The following PPARGC1A variants were observed in gnomAD, a reference collection of about 807,000 sequenced individuals.
PPARGC1A encodes peroxisome proliferator-activated receptor gamma coactivator 1-alpha.
In PPARGC1A, 25 loss-of-function variants were observed where a neutral mutation model predicts 88.7. The observed-to-expected ratio is 0.28, with a 90% confidence interval of 0.21 to 0.39. The LOEUF is 0.39. Among genes scored for constraint, PPARGC1A ranks in the 10% least tolerant of loss-of-function variants. PPARGC1A has a pLI of 1.00. For missense variants in PPARGC1A, 880 were observed against 968.7 expected, an observed-to-expected ratio of 0.91 and a Z score of 1.22; for synonymous variants, 363 against 355.6, an observed-to-expected ratio of 1.02 and a Z score of -0.24.
At chr4:23,947,918 A>G in the PPARGC1A span, among the ~76,000 whole-genome samples, 1 of 152,168 alleles carries the variant, frequency 6.6e-6, no homozygotes, top group Admixed American at 6.5e-5. Flanking sequence ...GAAGCTCAGC[A>G]GGAACCGTGG....
chr4:23,852,718 C>T (rs2148670382), intron 2 of PPARGC1A, among the ~76,000 whole-genome samples: 1 of 152,232 alleles, frequency 6.6e-6, no homozygotes, highest in Admixed American at 6.5e-5. Flanking sequence ...ACCAACATAA[C>T]TCTTTTAAAG....
the PPARGC1A span, among the ~76,000 whole-genome samples, chr4:24,160,932 G>A: frequency 2.0e-5 from 3 of 152,172 alleles, no homozygotes; most frequent in African/African-American, 4.8e-5. Context: ...TTCAGAGGCA[G>A]GGTCCCAGAT....
At chr4:23,877,606 G>A (rs1488844589) in intron 2 of PPARGC1A, 1 of 148,136 alleles carries the variant, frequency 6.8e-6, no homozygotes, top group Non-Finnish European at 1.5e-5. Context: ...AAAAAAAAAT[G>A]GCCCTTACTG....
At chr4:24,086,484 C>T in the PPARGC1A span, among the ~76,000 whole-genome samples, 3 of 152,170 alleles carry the variant, frequency 2.0e-5, no homozygotes, top group Non-Finnish European at 2.9e-5. Context: ...TCCTTTTCTT[C>T]GTTTAAGAAT....
the PPARGC1A span, among the ~76,000 whole-genome samples, chr4:24,444,413 G>T: frequency 1.3e-5 from 2 of 151,788 alleles, no homozygotes; most frequent in African/African-American, 4.8e-5. Flanking sequence ...GTTCAATTAG[G>T]AGTCTACTGC....
At chr4:24,232,528 T>C in the PPARGC1A span, among the ~76,000 whole-genome samples, 1 of 152,222 alleles carries the variant, frequency 6.6e-6, no homozygotes, top group Non-Finnish European at 1.5e-5. Context: ...CTTGTATATT[T>C]CACTATATCA....
chr4:24,376,544 A>C, the PPARGC1A span, among the ~76,000 whole-genome samples: 1 of 152,226 alleles, frequency 6.6e-6, no homozygotes, highest in Non-Finnish European at 1.5e-5. Context: ...TTTTTGAGCC[A>C]TTTGGAAAAT....
chr4:23,956,370 C>G, the PPARGC1A span, among the ~76,000 whole-genome samples: 2 of 152,066 alleles, frequency 1.3e-5, no homozygotes, highest in South Asian at 2.1e-4. Flanking sequence ...CTTGGGACCA[C>G]GATCTCAGTA....
the PPARGC1A span, among the ~76,000 whole-genome samples, chr4:24,368,690 T>C: frequency 5.9e-5 from 9 of 152,272 alleles, no homozygotes; most frequent in Admixed American, 2.6e-4. Flanking sequence ...CTGTTTCCAA[T>C]GGGCTGTGCA....
chr4:23,866,851 G>A (rs1308778607), intron 2 of PPARGC1A, among the ~76,000 whole-genome samples: 5 of 151,838 alleles, frequency 3.3e-5, no homozygotes, highest in African/African-American at 4.8e-5. Flanking sequence ...CAGAGATACC[G>A]CCCGGGGGTG....
At chr4:23,857,201 C>T (rs1297100939) in intron 2 of PPARGC1A, among the ~76,000 whole-genome samples, 2 of 151,724 alleles carry the variant, frequency 1.3e-5, no homozygotes, top group Non-Finnish European at 2.9e-5. Flanking sequence ...ATGCTCATCA[C>T]TGATGTTCTA....
the PPARGC1A span, among the ~76,000 whole-genome samples, chr4:24,467,912 A>G: frequency 3.3e-5 from 5 of 152,210 alleles, no homozygotes; most frequent in Non-Finnish European, 7.3e-5. Context: ...AGAAAAGTTT[A>G]AAAAGCAGGG....
At chr4:23,846,132 TG>T (rs1728270344) in intron 2 of PPARGC1A, among the ~76,000 whole-genome samples, 1 of 152,176 alleles carries the variant, frequency 6.6e-6, no homozygotes, top group African/African-American at 2.4e-5. Flanking sequence ...CAGGTGTAAA[TG>T]GATCTGGATA....
chr4:24,036,507 G>C, the PPARGC1A span, among the ~76,000 whole-genome samples: 2 of 152,162 alleles, frequency 1.3e-5, no homozygotes, highest in East Asian at 3.9e-4. Context: ...CAACAGGAGA[G>C]GGACGAAGTG....
At chr4:23,976,029 CAAT>C in the PPARGC1A span, among the ~76,000 whole-genome samples, 184 of 152,204 alleles carry the variant, frequency 1.2e-3, no homozygotes, top group African/African-American at 4.2e-3. Context: ...GCAATGAGAA[CAAT>C]AATGATAGTC....
chr4:24,354,443 G>T, the PPARGC1A span, among the ~76,000 whole-genome samples: 4 of 152,126 alleles, frequency 2.6e-5, no homozygotes, highest in African/African-American at 9.7e-5. Flanking sequence ...ATTCATAAAT[G>T]TTCACCAATT....
the PPARGC1A span, among the ~76,000 whole-genome samples, chr4:23,940,891 A>T: frequency 6.6e-6 from 1 of 152,168 alleles, no homozygotes; most frequent in Non-Finnish European, 1.5e-5. Context: ...TTTAGCTCAA[A>T]ATGAAATCAA....
At chr4:24,096,278 TGA>T in the PPARGC1A span, among the ~76,000 whole-genome samples, 1 of 152,228 alleles carries the variant, frequency 6.6e-6, no homozygotes, top group Non-Finnish European at 1.5e-5. Flanking sequence ...CCTGCATAAC[TGA>T]GAGTCAATTA....
the PPARGC1A span, among the ~76,000 whole-genome samples, chr4:24,122,339 ACTT>A: frequency 6.8e-6 from 1 of 146,868 alleles, no homozygotes; most frequent in South Asian, 2.2e-4. Flanking sequence ...AGGTGCTCTA[ACTT>A]CTTAGCCTCT....
Sources: allele counts gnomAD v4.1 joint callset (sites outside exome capture counted in the v4.1 genomes callset), GRCh38; gene constraint gnomAD v4.1.1; transcripts MANE v1.5; gene names NCBI Gene and HGNC (gene_info 2026-07-23, HGNC 2026-07-21).